CSMD1: variants seen among roughly 807,000 people sequenced by gnomAD.
CSMD1 encodes the protein CUB and Sushi multiple domains 1.
CSMD1 carries 213 observed loss-of-function variants against 417.5 expected under a neutral mutation model. The ratio of observed to expected loss-of-function variants is 0.51; its 90% CI spans 0.46 to 0.57. The LOEUF (loss-of-function observed/expected upper bound fraction) is 0.57. Ranked by LOEUF, CSMD1 falls within the 20% of genes least tolerant of loss-of-function variation. CSMD1 has a pLI of 0.00. For synonymous variants in CSMD1, 2,862 were observed against 1,736.8 expected, an observed-to-expected ratio of 1.65 and a Z score of -16.11; for missense variants, 6,923 against 4,529.7, an observed-to-expected ratio of 1.53 and a Z score of -15.17.
chr8:4,266,090 G>T lies in CSMD1; in HGVS notation c.415+153863C>A, dbSNP rs1326485247. On this transcript the variant is annotated intron_variant, in intron 3 of 69. Transcript: ENST00000635120. ...CTGCCCACCGCACATAGACTCACCAGGCATATTAGCTGATATTGATCATTT... is the reference window on the plus strand; with the variant it reads ...CTGCCCACCGCACATAGACTCACCATGCATATTAGCTGATATTGATCATTT... 1.9e-5 allele frequency among the ~76,000 whole-genome samples: 2 copies of T among 102,848 alleles called. 1 individual carries two copies. The highest frequency in any genetic ancestry group is 5.2e-4 in the East Asian group (2 of 3,822). 67.5% of individuals were successfully genotyped at this position (102,848 alleles called of 152,430 possible).
intron 3 of CSMD1, among the ~76,000 whole-genome samples, chr8:4,251,212 AC>A (rs1461154529): frequency 6.6e-6 from 1 of 152,306 alleles, no homozygotes; most frequent in Admixed American, 6.5e-5. Context: ...AATAAATAAA[AC>A]CTATAACAGC....
intron 54 of CSMD1, among the ~76,000 whole-genome samples, chr8:2,986,087 T>TA (rs1279575421): frequency 6.6e-6 from 1 of 151,774 alleles, no homozygotes; most frequent in Non-Finnish European, 1.5e-5. Flanking sequence ...GAGGGACTGA[T>TA]AACCAGGTTA....
intron 3 of CSMD1, among the ~76,000 whole-genome samples, chr8:4,256,097 G>C (rs2128835761): frequency 6.6e-6 from 1 of 152,342 alleles, no homozygotes; most frequent in East Asian, 1.9e-4. Flanking sequence ...GTGAATCCCA[G>C]ACTACTTTGC....
chr8:4,152,753 TATATAC>T (rs139699306), intron 3 of CSMD1, among the ~76,000 whole-genome samples: 4,326 of 152,124 alleles, frequency 0.028, 213 homozygotes, highest in African/African-American at 0.096. Context: ...TCCATAGTAA[TATATAC>T]ATATAATCAA....
chr8:3,894,478 T>C (rs1467889680), intron 5 of CSMD1, among the ~76,000 whole-genome samples: 3 of 152,194 alleles, frequency 2.0e-5, no homozygotes, highest in African/African-American at 7.2e-5. Flanking sequence ...AGACCTCAAA[T>C]ATAGAACTAC....
intron 51 of CSMD1, among the ~76,000 whole-genome samples, chr8:3,019,060 G>A (rs558090002): frequency 1.3e-5 from 2 of 152,254 alleles, no homozygotes; most frequent in African/African-American, 4.8e-5. Context: ...TGCGATTAAA[G>A]GCGCCTGCCA....
At position 3,213,347 on chromosome 8, in the gene CSMD1, A is replaced by G. The variant is rs114728339; in HGVS notation, c.4867+1150T>C. Among the ~76,000 whole-genome samples the G allele has an allele frequency of 4.3e-3, 659 of 152,298 alleles. 2 individuals are homozygous for G. Among genetic ancestry groups the G allele is most frequent in the African/African-American group, 0.015 (608 of 41,558 alleles). On this transcript the variant is annotated intron_variant, in intron 30 of 69. Transcript: ENST00000635120. Reference sequence around the variant, plus strand: ...TATATACCATGAAAATGTAAAAGGTACAAGTCAAGGGTCCACAGCCTGAGG... The same window carrying G: ...TATATACCATGAAAATGTAAAAGGTGCAAGTCAAGGGTCCACAGCCTGAGG...
At chr8:4,784,273 C>T (rs1797294958) in intron 1 of CSMD1, among the ~76,000 whole-genome samples, 1 of 152,192 alleles carries the variant, frequency 6.6e-6, no homozygotes, top group Non-Finnish European at 1.5e-5. Flanking sequence ...GCTTTACCTT[C>T]CTCTAGTTCT....
intron 16 of CSMD1, among the ~76,000 whole-genome samples, chr8:3,397,977 T>G (rs1299043732): frequency 6.6e-6 from 1 of 152,112 alleles, no homozygotes; most frequent in East Asian, 1.9e-4. Flanking sequence ...ATGTCTAGAG[T>G]ACAGATCACA....
intron 3 of CSMD1, among the ~76,000 whole-genome samples, chr8:4,100,999 C>A (rs949289700): frequency 5.3e-5 from 8 of 152,124 alleles, no homozygotes; most frequent in African/African-American, 1.9e-4. Context: ...ACTGCGTAGT[C>A]CTAGAAATTC....
At chr8:3,055,618 T>C (rs1812162664) in intron 49 of CSMD1, among the ~76,000 whole-genome samples, 1 of 152,244 alleles carries the variant, frequency 6.6e-6, no homozygotes, top group African/African-American at 2.4e-5. Context: ...CGAATTAGCA[T>C]TGGCAATGTA....
chr8:4,990,744 G>A (rs1459423215), intron 1 of CSMD1, among the ~76,000 whole-genome samples: 2 of 151,990 alleles, frequency 1.3e-5, no homozygotes, highest in East Asian at 3.9e-4. Flanking sequence ...CAGGAGGAAG[G>A]GTATTGGGTG....
At chr8:3,503,167 AG>A (rs1023669524) in intron 10 of CSMD1, among the ~76,000 whole-genome samples, 4 of 152,334 alleles carry the variant, frequency 2.6e-5, no homozygotes, top group South Asian at 4.1e-4. Context: ...ATTTCAACCT[AG>A]AAAAAAGTAC....
At chr8:3,295,311 A>G (rs998373095) in intron 25 of CSMD1, among the ~76,000 whole-genome samples, 2 of 151,754 alleles carry the variant, frequency 1.3e-5, no homozygotes, top group Non-Finnish European at 2.9e-5. Flanking sequence ...ATTTTTTAGT[A>G]GACACGGGGT....
intron 7 of CSMD1, among the ~76,000 whole-genome samples, chr8:3,684,897 C>T (rs1443122505): frequency 6.6e-6 from 1 of 152,078 alleles, no homozygotes; most frequent in African/African-American, 2.4e-5. Flanking sequence ...AAATTCTCTT[C>T]TGAAATTTGT....
chr8:3,598,282 G>C (rs1320085982), intron 8 of CSMD1: 8 of 152,182 alleles, frequency 5.3e-5, no homozygotes, highest in Admixed American at 3.3e-4. Context: ...CAGAAAAACA[G>C]ACCTGCTCGG....
intron 3 of CSMD1, among the ~76,000 whole-genome samples, chr8:4,184,466 G>A (rs763550482): frequency 6.6e-6 from 1 of 152,100 alleles, no homozygotes; most frequent in Non-Finnish European, 1.5e-5. Flanking sequence ...CAACCTCAAA[G>A]GCCACCAATG....
intron 5 of CSMD1, among the ~76,000 whole-genome samples, chr8:3,914,548 T>C (rs895841352): frequency 6.6e-6 from 1 of 152,192 alleles, no homozygotes; most frequent in Non-Finnish European, 1.5e-5. Context: ...ATCAATAGTT[T>C]CCACTGTTGA....
intron 42 of CSMD1, 140 bp downstream of exon 42, chr8:3,118,259 G>A (rs2045637): frequency 0.19 from 120,199 of 642,442 alleles, 20,780 homozygotes; most frequent in African/African-American, 0.7. Flanking sequence ...AATACTAAGT[G>A]GAGTGAGTAA....
Sources: allele counts gnomAD v4.1 joint callset (sites outside exome capture counted in the v4.1 genomes callset), GRCh38; gene constraint gnomAD v4.1.1; transcripts MANE v1.5; gene names NCBI Gene and HGNC (gene_info 2026-07-23, HGNC 2026-07-21).